GRM8: variants seen among roughly 807,000 people sequenced by gnomAD.
The protein encoded by GRM8 is glutamate metabotropic receptor 8, also known as metabotropic glutamate receptor 8.
Under a neutral mutation model 87.2 loss-of-function variants are expected in GRM8, and 47 were observed. That is an observed-to-expected ratio of 0.54 (90% CI 0.43 to 0.69). GRM8 has a LOEUF of 0.69. Ranked by LOEUF, GRM8 falls within the 30% of genes least tolerant of loss-of-function variation. The pLI, the probability that GRM8 is intolerant of heterozygous loss-of-function variation, is 0.00. For synonymous variants in GRM8, 396 were observed against 404.5 expected (o/e 0.98, Z 0.25); for missense variants, 1,019 against 1,139.2 (o/e 0.89, Z 1.52).
chr7:126,535,036 C>G (rs1815473493), intron 8 of GRM8, among the ~76,000 whole-genome samples: 1 of 152,064 alleles, frequency 6.6e-6, no homozygotes, highest in African/African-American at 2.4e-5. Flanking sequence ...TCAAGAGGCA[C>G]AGCAAAGGGA....
chr7:127,005,507 G>T (rs1430549413), intron 3 of GRM8, among the ~76,000 whole-genome samples: 1 of 151,664 alleles, frequency 6.6e-6, no homozygotes, highest in African/African-American at 2.4e-5. Flanking sequence ...CTAAGGCCAG[G>T]CTGTGAACTA....
chr7:127,169,669 A>G (rs1370628976), intron 2 of GRM8, among the ~76,000 whole-genome samples: 1 of 152,202 alleles, frequency 6.6e-6, no homozygotes, highest in African/African-American at 2.4e-5. Flanking sequence ...AGGCAAGCTG[A>G]TTCTCTTATT....
intron 7 of GRM8, among the ~76,000 whole-genome samples, chr7:126,693,906 A>G (rs1174730404): frequency 6.6e-6 from 1 of 152,096 alleles, no homozygotes; most frequent in Non-Finnish European, 1.5e-5. Flanking sequence ...TCATTTTCAT[A>G]AATGTATCAG....
intron 3 of GRM8, among the ~76,000 whole-genome samples, chr7:127,054,843 A>G (rs1819828983): frequency 6.6e-6 from 1 of 152,212 alleles, no homozygotes; most frequent in African/African-American, 2.4e-5. Flanking sequence ...GAACAAATCA[A>G]AATTTAACAG....
chr7:127,134,447 A>G (rs545778829), intron 2 of GRM8, among the ~76,000 whole-genome samples: 2 of 152,326 alleles, frequency 1.3e-5, no homozygotes, highest in South Asian at 2.1e-4. Flanking sequence ...ATGAATTCCA[A>G]TGGGCCTGAT....
intron 2 of GRM8, among the ~76,000 whole-genome samples, chr7:127,124,221 C>T (rs544714772): frequency 6.6e-6 from 1 of 152,326 alleles, no homozygotes; most frequent in South Asian, 2.1e-4. Flanking sequence ...TCTCCATTGT[C>T]TTACCTCCCA....
At chr7:126,607,616 C>G (rs559414762) in intron 8 of GRM8, among the ~76,000 whole-genome samples, 3 of 152,020 alleles carry the variant, frequency 2.0e-5, no homozygotes, top group Non-Finnish European at 4.4e-5. Context: ...ATTAAAACAA[C>G]AGAACAGAAG....
intron 7 of GRM8, among the ~76,000 whole-genome samples, chr7:126,757,480 A>G (rs1304354722): frequency 6.6e-6 from 1 of 152,222 alleles, no homozygotes; most frequent in African/African-American, 2.4e-5. Context: ...AAGCCGAACA[A>G]GACCTGGGGA....
intron 7 of GRM8, 141 bp from the exon 8 acceptor site, chr7:126,609,639 T>C (rs898364353): frequency 1.6e-6 from 1 of 629,120 alleles, no homozygotes; most frequent in Non-Finnish European, 2.7e-6. Flanking sequence ...ACAAGGTCAT[T>C]CTTGATAGCA....
chr7:126,462,962 C>T (rs895832470), intron 9 of GRM8, among the ~76,000 whole-genome samples: 1 of 151,564 alleles, frequency 6.6e-6, no homozygotes, highest in Admixed American at 6.6e-5. Flanking sequence ...CTCCTTCTTC[C>T]ATTGTATTGG....
intron 7 of GRM8, among the ~76,000 whole-genome samples, chr7:126,678,145 AT>A (rs1300641194): frequency 6.6e-6 from 1 of 152,224 alleles, no homozygotes; most frequent in East Asian, 1.9e-4. Flanking sequence ...ACTCAAAAAA[AT>A]AAGATTTTAT....
intron 2 of GRM8, among the ~76,000 whole-genome samples, chr7:127,231,267 A>G (rs762027478): frequency 3.9e-5 from 6 of 152,068 alleles, no homozygotes; most frequent in African/African-American, 1.4e-4. Flanking sequence ...AAGATTTAGC[A>G]CTTACTGGGT....
chr7:127,103,643 T>C (rs946272780), intron 3 of GRM8, among the ~76,000 whole-genome samples: 1 of 152,240 alleles, frequency 6.6e-6, no homozygotes, highest in Admixed American at 6.5e-5. Flanking sequence ...ACCCTATGAT[T>C]TGAAATAATC....
At chr7:126,642,943 G>A (rs867395105) in intron 7 of GRM8, among the ~76,000 whole-genome samples, 30 of 152,248 alleles carry the variant, frequency 2.0e-4, no homozygotes, top group South Asian at 2.1e-4. Context: ...GCCAACAATT[G>A]TGTTTGGCAC....
chr7:126,457,144 G>A lies in GRM8; in HGVS notation c.2431-10772C>T, dbSNP rs28377941. On this transcript the variant is annotated intron_variant, in intron 9 of 10. Transcript: ENST00000339582. ...AATATAATAATTGAATTGAATAGATGAGTTTAATAACTAATTAGCTACATG... is the reference window on the plus strand; with the variant it reads ...AATATAATAATTGAATTGAATAGATAAGTTTAATAACTAATTAGCTACATG... Among the ~76,000 whole-genome samples, 1,090 of 151,466 alleles carry A rather than the reference G, an allele frequency of 7.2e-3. 13 individuals are homozygous for A. The highest frequency in any genetic ancestry group is 0.025 in the African/African-American group (1,027 of 41,384).
At chr7:127,008,234 C>T (rs1287206868) in intron 3 of GRM8, among the ~76,000 whole-genome samples, 6 of 151,980 alleles carry the variant, frequency 3.9e-5, no homozygotes, top group African/African-American at 1.2e-4. Context: ...AATATCCAGC[C>T]AGGGTTGAAC....
intron 2 of GRM8, among the ~76,000 whole-genome samples, chr7:127,113,652 G>C (rs1249384739): frequency 6.6e-6 from 1 of 152,114 alleles, no homozygotes; most frequent in Non-Finnish European, 1.5e-5. Context: ...TTAGGGGGTA[G>C]TGCTTGACCA....
chr7:126,701,981 A>T (rs1252153153), intron 7 of GRM8, among the ~76,000 whole-genome samples: 3 of 152,222 alleles, frequency 2.0e-5, no homozygotes, highest in Non-Finnish European at 4.4e-5. Context: ...CTATTTGAAC[A>T]ACAAGTTATT....
At chr7:126,983,759 C>G (rs1811767046) in intron 3 of GRM8, among the ~76,000 whole-genome samples, 1 of 152,170 alleles carries the variant, frequency 6.6e-6, no homozygotes, top group Non-Finnish European at 1.5e-5. Flanking sequence ...TAGCCCAATC[C>G]AGGCAGGACT....
Sources: gnomAD v4.1 joint callset for allele counts (sites outside exome capture counted in the v4.1 genomes callset) on GRCh38, gnomAD v4.1.1 for gene constraint, MANE v1.5 for transcripts, NCBI Gene and HGNC (gene_info 2026-07-23, HGNC 2026-07-21) for gene names.